Variants in MRPL24 observed in about 807,000 individuals in gnomAD.
MRPL24 encodes large ribosomal subunit protein uL24m.
In MRPL24, 15 loss-of-function variants were observed where a neutral mutation model predicts 26.9. The observed-to-expected ratio is 0.56, with a 90% CI of 0.37 to 0.86. The LOEUF (loss-of-function observed/expected upper bound fraction) is 0.86, where lower values mean the gene tolerates loss of function less well. MRPL24 is among the 40% of genes least tolerant of loss of function. MRPL24 has a pLI of 0.00. For missense variants in MRPL24, 241 were observed against 281.4 expected (o/e 0.86, Z 1.03); for synonymous variants, 92 against 102.4 (o/e 0.90, Z 0.62).
chr1:156,740,549 C>G (rs1034590146), intron 1 of MRPL24: 7 of 152,142 alleles, frequency 4.6e-5, no homozygotes. Flanking sequence ...CGTAAAGTCC[C>G]TTTTACAGAC....
chr1:156,738,463 G>GA (rs1558026602), intron 2 of MRPL24, 25 bp from the exon 3 acceptor site: 1 of 1,613,760 alleles, frequency 6.2e-7, no homozygotes, highest in South Asian at 1.1e-5. Flanking sequence ...GAAGGTTAGG[G>GA]AGGGGGATCC....
At chr1:156,741,694 C>T (rs1262631062), upstream of MRPL24, 1 of 152,160 alleles carries the variant, frequency 6.6e-6, no homozygotes, top group Non-Finnish European at 1.5e-5. Context: ...CCATCACCAG[C>T]TAAGGGTGGC....
intron 1 of MRPL24, among the ~76,000 whole-genome samples, chr1:156,739,824 G>A (rs374094222): frequency 3.3e-5 from 5 of 151,834 alleles, no homozygotes; most frequent in African/African-American, 9.7e-5. Flanking sequence ...ACCATGACCC[G>A]CTAATTTTTT....
chr1:156,737,885 C>G, intron 4 of MRPL24, 109 bp from the exon 5 acceptor site: 1 of 1,510,952 alleles, frequency 6.6e-7, no homozygotes, highest in Non-Finnish European at 9.0e-7. Context: ...CGTTTCTCCA[C>G]CTCTGTGTTG....
chr1:156,738,424 T>G lies in MRPL24; in HGVS notation c.198A>C (p.Glu66Asp), dbSNP rs1269241530. 6.2e-7 allele frequency: 1 copy of G among 1,613,926 alleles called. No homozygotes were observed. Among genetic ancestry groups the G allele is most frequent in the Non-Finnish European group, 8.5e-7 (1 of 1,179,892 alleles). ...TGCCCTGCTTCCCGGCATCCTTGCC[T>G]TCTAGGATCTCCACCTGTGGGAAGA... Reference protein sequence around the residue: ...LFCGDTVEILEGKDAGKQGKV... With the variant: ...LFCGDTVEILDGKDAGKQGKV... Residue 66 changes from glutamate (E) to aspartate (D), a missense_variant, in exon 3 of 6, where the codon GAA (glutamate) becomes GAC (aspartate). By Grantham distance (45) the Glu-to-Asp change is conservative. Coordinates refer to ENST00000361531, the MANE Select transcript of MRPL24 (RefSeq NM_145729.3).
chr1:156,737,428 G>C lies in MRPL24; in HGVS notation c.621C>G (p.Thr207=). Residue 207 remains threonine, a synonymous_variant, in exon 6 of 6, where the codon ACC becomes ACG. Coordinates refer to ENST00000361531, the MANE Select transcript of MRPL24 (RefSeq NM_145729.3). ...EVMEAMGIKE[T]RKYKKVYWY ...ACCAATAGACCTTCTTGTATTTCCG[G>C]GTCTCCTTGATCCCCATGGCCTCCA... 3.7e-6 allele frequency: 6 copies of C among 1,604,318 alleles called. No individual in the cohort carries two copies. Among genetic ancestry groups the C allele is most frequent in the Non-Finnish European group, 5.1e-6 (6 of 1,176,074 alleles).
intron 1 of MRPL24, among the ~76,000 whole-genome samples, chr1:156,739,393 C>T (rs997232038): frequency 6.6e-6 from 1 of 152,166 alleles, no homozygotes. Flanking sequence ...GAACTGAAGG[C>T]ATAAATGGTA....
intron 5 of MRPL24, 52 bp downstream of exon 5, chr1:156,737,594 C>G (rs1294936659): frequency 1.9e-6 from 3 of 1,610,142 alleles, no homozygotes; most frequent in African/African-American, 1.3e-5. Context: ...ATTAATGTCC[C>G]CTACTCTCAC....
At chr1:156,737,570 G>C in intron 5 of MRPL24, 36 bp from the exon 6 acceptor site, 2 of 1,603,646 alleles carry the variant, frequency 1.2e-6, no homozygotes, top group East Asian at 2.2e-5. Context: ...GGGTGGGAGG[G>C]CTTGCCAACT....
chr1:156,739,009 C>T (rs1350961116), intron 1 of MRPL24, among the ~76,000 whole-genome samples: 1 of 152,144 alleles, frequency 6.6e-6, no homozygotes, highest in Non-Finnish European at 1.5e-5. Flanking sequence ...AGGACAAGGG[C>T]CATGTTATCT....
In MRPL24 at chr1:156,737,639, C is replaced by T. The variant is rs750523473; in HGVS notation, c.514+7G>A. On this transcript the variant is annotated splice_region_variant and intron_variant, in intron 5 of 5. Coordinates refer to ENST00000361531, the MANE Select transcript of MRPL24 (RefSeq NM_145729.3). ...CCACCCCTGACCTTCCTGCCCCTCA[C>T]TCTCACCAATCCACGTTTCAGGGAC... 1.9e-6 allele frequency: 3 copies of T among 1,613,986 alleles called. No homozygotes were observed. The highest frequency in any genetic ancestry group is 1.7e-6 in the Non-Finnish European group (2 of 1,179,990).
chr1:156,738,295 CA>C (rs1232065970), intron 3 of MRPL24, 47 bp downstream of exon 3: 2 of 1,581,034 alleles, frequency 1.3e-6, no homozygotes, highest in Non-Finnish European at 1.7e-6. Flanking sequence ...TGGAGAGGGA[CA>C]GATGAGACAG....
At position 156,737,384 on chromosome 1, in the gene MRPL24, G is replaced by T. The variant is rs547928460; in HGVS notation, c.*14C>A. Reference sequence around the variant, plus strand: ...CTGGGACAGAAGTTGGGGAGGAGCTGCTCTGCCCCAGGCTCAATACCAATA... The same window carrying T: ...CTGGGACAGAAGTTGGGGAGGAGCTTCTCTGCCCCAGGCTCAATACCAATA... On this transcript the variant is annotated 3_prime_UTR_variant, in exon 6 of 6. Coordinates refer to ENST00000361531, the MANE Select transcript of MRPL24 (RefSeq NM_145729.3). The T allele has an allele frequency of 1.7e-5, 26 of 1,551,672 alleles. No homozygotes were observed. In the African/African-American group the frequency reaches 3.2e-4, roughly 19 times the overall value.
At position 156,737,474 on chromosome 1, in the gene MRPL24, T is replaced by C; in HGVS notation, c.575A>G (p.Lys192Arg). 1.2e-6 allele frequency: 2 copies of C among 1,612,650 alleles called. No homozygotes were observed. Among genetic ancestry groups the C allele is most frequent in the African/African-American group, 1.3e-5 (1 of 74,970 alleles). Residue 192 changes from lysine (K) to arginine (R), a missense_variant, in exon 6 of 6, where the codon AAG (lysine) becomes AGG (arginine). Physicochemically the swap from Lys to Arg is conservative, Grantham distance 26. Coordinates refer to ENST00000361531, the MANE Select transcript of MRPL24 (RefSeq NM_145729.3). The stretch of plus-strand genomic sequence containing the variant: ...CTCCATCACCTCCTCCTGCAGTGTC[T>C]TTAGACAGGGCACATAGGTTCTTTC... ...ALERTYVPCLKTLQEEVMEAM... is the reference protein window; with the variant it reads ...ALERTYVPCLRTLQEEVMEAM...
chr1:156,740,725 GCCCCCGAGATC>G (rs1650062477), intron 1 of MRPL24, among the ~76,000 whole-genome samples: 1 of 152,112 alleles, frequency 6.6e-6, no homozygotes, highest in African/African-American at 2.4e-5. Flanking sequence ...CAGCTTGCAT[GCCCCCGAGATC>G]CTTCCCTTCT....
At chr1:156,737,617 CCCCTGA>C in intron 5 of MRPL24, 23 bp downstream of exon 5, 1 of 1,613,614 alleles carries the variant, frequency 6.2e-7, no homozygotes, top group East Asian at 2.2e-5. Flanking sequence ...CTAGCACCCA[CCCCTGA>C]CCTTCCTGCC....
At position 156,738,046 on chromosome 1, in the gene MRPL24, A is replaced by G; in HGVS notation, c.368T>C (p.Val123Ala). 6.2e-7 allele frequency: 1 copy of G among 1,614,126 alleles called. No homozygotes were observed. The highest frequency in any genetic ancestry group is 8.5e-7 in the Non-Finnish European group (1 of 1,180,016). The change falls in exon 4 of 6, where the codon GTG becomes GCG. Residue 123 changes from valine (V) to alanine (A), a missense_variant. Val to Ala is a moderately conservative substitution (Grantham distance 64). Transcript: ENST00000361531. ...APLLHRQVKL[V>A]DPMDRKPTEI... ...CGTTGCTTGCCTGTCCATAGGATCC[A>G]CAAGTTTGACCTGGCGGTGGAGCAA...
chr1:156,738,594 T>C lies in MRPL24; in HGVS notation c.111A>G (p.Pro37=), dbSNP rs1420503103. ...CAACCACTGGGCGCCGCCTGATCCA[T>C]GGGGGGTTCTTCCTCTTGTCTGCAA... ...GSVADKRKNP[P]WIRRRPVVVE... is the part of the protein sequence containing the mutation. The change falls in exon 2 of 6, where the codon CCA becomes CCG. Residue 37 remains proline, a synonymous_variant. Coordinates refer to ENST00000361531, the MANE Select transcript of MRPL24 (RefSeq NM_145729.3). 4 of 1,613,394 alleles carry C rather than the reference T, an allele frequency of 2.5e-6. No homozygotes were observed. The highest frequency in any genetic ancestry group is 2.7e-5 in the African/African-American group (2 of 74,806).
rs1389651744 is a variant in MRPL24, at chr1:156,738,665, T to C, written c.40A>G (p.Thr14Ala). Reference protein sequence around the residue: ...SALLALASKVTLPPHYRYGMS... With the variant: ...SALLALASKVALPPHYRYGMS... ...CCATAGCGGTAATGGGGGGGCAGAG[T>C]GACCTTGGATGCCAAGGCCAGCAGG... Residue 14 changes from threonine (T) to alanine (A), a missense_variant, in exon 2 of 6, where the codon ACT becomes GCT. By Grantham distance (58) the Thr-to-Ala change is moderately conservative. Transcript: ENST00000361531. The C allele has an allele frequency of 2.5e-6, 4 of 1,594,580 alleles. No individual in the cohort carries two copies. Among genetic ancestry groups the C allele is most frequent in the Non-Finnish European group, 3.4e-6 (4 of 1,174,694 alleles).
Sources: allele counts gnomAD v4.1 joint callset (sites outside exome capture counted in the v4.1 genomes callset), GRCh38; gene constraint gnomAD v4.1.1; transcripts MANE v1.5; gene names NCBI Gene and HGNC (gene_info 2026-07-23, HGNC 2026-07-21).